Variants in PTPRM observed in about 807,000 individuals in gnomAD.
PTPRM encodes protein tyrosine phosphatase receptor type M.
In PTPRM, 47 loss-of-function variants were observed where a neutral mutation model predicts 186.7. The observed-to-expected ratio is 0.25, with a 90% CI of 0.20 to 0.32. The LOEUF is 0.32. Among genes scored for constraint, PTPRM ranks in the 10% least tolerant of loss-of-function variants. The pLI, the probability that PTPRM is intolerant of heterozygous loss-of-function variation, is 1.00. For synonymous variants in PTPRM, 668 were observed against 674.9 expected (o/e 0.99, Z 0.16); for missense variants, 1,494 against 1,865.0 (o/e 0.80, Z 3.66).
chr18:7,864,373 G>A (rs113159678), intron 2 of PTPRM, among the ~76,000 whole-genome samples: 57,899 of 152,044 alleles, frequency 0.38, 14,450 homozygotes, highest in African/African-American at 0.71. Context: ...TAATTTTTGT[G>A]TAAGGTGTAA....
intron 14 of PTPRM, among the ~76,000 whole-genome samples, chr18:8,165,935 A>C (rs895060844): frequency 1.2e-4 from 19 of 152,152 alleles, no homozygotes; most frequent in South Asian, 6.2e-4. Context: ...GGTCCCTCTC[A>C]GTTGAATGAA....
At chr18:7,724,673 A>C (rs1460172308) in intron 1 of PTPRM, among the ~76,000 whole-genome samples, 1 of 152,224 alleles carries the variant, frequency 6.6e-6, no homozygotes, top group Non-Finnish European at 1.5e-5. Context: ...GAGGACATAC[A>C]CTGGAATACA....
intron 4 of PTPRM, among the ~76,000 whole-genome samples, chr18:7,907,082 A>G (rs1191837518): frequency 6.6e-6 from 1 of 152,236 alleles, no homozygotes; most frequent in African/African-American, 2.4e-5. Flanking sequence ...TTCATCTTTT[A>G]AAAATTAATA....
intron 14 of PTPRM, among the ~76,000 whole-genome samples, chr18:8,169,353 A>C (rs2093365774): frequency 6.6e-6 from 1 of 152,154 alleles, no homozygotes; most frequent in African/African-American, 2.4e-5. Context: ...GCAAAAAAAA[A>C]AAAAATGCTT....
chr18:8,343,691 C>A (rs1263002972), intron 23 of PTPRM, among the ~76,000 whole-genome samples, 171 bp downstream of exon 23: 1 of 152,190 alleles, frequency 6.6e-6, no homozygotes, highest in Admixed American at 6.5e-5. Context: ...GTAAACATAG[C>A]CTGAATTGCT....
chr18:8,247,448 C>T (rs1378003269), intron 15 of PTPRM, among the ~76,000 whole-genome samples: 2 of 152,192 alleles, frequency 1.3e-5, no homozygotes, highest in Non-Finnish European at 2.9e-5. Flanking sequence ...GGAACATTGA[C>T]ATTGGGAATC....
At chr18:8,100,431 A>C (rs1252660242) in intron 11 of PTPRM, among the ~76,000 whole-genome samples, 2 of 151,838 alleles carry the variant, frequency 1.3e-5, no homozygotes, top group Non-Finnish European at 2.9e-5. Context: ...GTGAGCCGCC[A>C]CTCCCAGCCA....
intron 1 of PTPRM, among the ~76,000 whole-genome samples, chr18:7,655,051 C>T (rs2038815410): frequency 6.6e-6 from 1 of 152,106 alleles, no homozygotes; most frequent in Non-Finnish European, 1.5e-5. Flanking sequence ...GCAGTATGGC[C>T]ATTTTAATGA....
intron 2 of PTPRM, among the ~76,000 whole-genome samples, chr18:7,885,050 T>G (rs1015602487): frequency 6.6e-6 from 1 of 151,060 alleles, no homozygotes; most frequent in African/African-American, 2.4e-5. Context: ...ACAAAAACAT[T>G]GACAAAACTA....
intron 23 of PTPRM, among the ~76,000 whole-genome samples, chr18:8,370,572 T>A (rs1441471660): frequency 6.6e-6 from 1 of 152,200 alleles, no homozygotes; most frequent in Non-Finnish European, 1.5e-5. Flanking sequence ...TCCTTCACAG[T>A]TTATTTTTGC....
chr18:8,289,056 G>C (rs1305296311), intron 19 of PTPRM, among the ~76,000 whole-genome samples: 1 of 152,168 alleles, frequency 6.6e-6, no homozygotes, highest in Non-Finnish European at 1.5e-5. Context: ...TTCTGAGCCA[G>C]TTTTGAGGCC....
intron 11 of PTPRM, among the ~76,000 whole-genome samples, chr18:8,099,515 A>C (rs779168483): frequency 2.0e-5 from 3 of 152,162 alleles, no homozygotes; most frequent in Admixed American, 2.0e-4. Context: ...CTGGGTTTGC[A>C]TATTAGATCA....
At chr18:8,303,183 G>A (rs548063215) in intron 20 of PTPRM, among the ~76,000 whole-genome samples, 1 of 152,212 alleles carries the variant, frequency 6.6e-6, no homozygotes, top group East Asian at 1.9e-4. Flanking sequence ...GCACTCTCAT[G>A]GAGAGAAGGG....
intron 22 of PTPRM, among the ~76,000 whole-genome samples, chr18:8,341,882 C>T (rs1389900970): frequency 6.6e-6 from 1 of 152,198 alleles, no homozygotes; most frequent in Non-Finnish European, 1.5e-5. Flanking sequence ...TCACTGAAAT[C>T]TTCAGCCTCT....
chr18:7,665,285 G>A (rs1472603650), intron 1 of PTPRM, among the ~76,000 whole-genome samples: 2 of 152,164 alleles, frequency 1.3e-5, no homozygotes, highest in Non-Finnish European at 2.9e-5. Context: ...GTGCATGCAT[G>A]TTTACCTGCA....
At position 8,406,480 on chromosome 18, in the gene PTPRM, G is replaced by A. The variant is rs555160583; in HGVS notation, c.*318G>A. On this transcript the variant is annotated 3_prime_UTR_variant, in exon 33 of 33. Coordinates refer to ENST00000580170, the MANE Select transcript of PTPRM (RefSeq NM_001105244.2). The stretch of plus-strand genomic sequence containing the variant: ...CTTATGAAGGAATTTGTACCTTTGG[G>A]GTATTATTTTGTGGCCCGTGACCCT... 3.7e-6 allele frequency: 1 copy of A among 273,308 alleles called. No homozygotes were observed. The highest frequency in any genetic ancestry group is 2.2e-5 in the African/African-American group (1 of 45,108). The allele number at this position is 273,308 out of a possible 1,614,324, so 16.9% of individuals were successfully genotyped here. A position where few individuals can be genotyped will look rare whatever the true frequency, so the allele number is the denominator to read the frequency against.
At chr18:8,236,061 G>A (rs2094342617) in intron 14 of PTPRM, among the ~76,000 whole-genome samples, 1 of 152,138 alleles carries the variant, frequency 6.6e-6, no homozygotes, top group South Asian at 2.1e-4. Context: ...GGTGGATGAA[G>A]GATTCTTAAG....
intron 1 of PTPRM, among the ~76,000 whole-genome samples, chr18:7,690,921 T>C (rs1221577029): frequency 6.6e-6 from 1 of 152,170 alleles, no homozygotes; most frequent in African/African-American, 2.4e-5. Context: ...TATATGTATA[T>C]TGAGTTCTTT....
chr18:7,813,358 G>A (rs929867370), intron 2 of PTPRM, among the ~76,000 whole-genome samples: 3 of 152,170 alleles, frequency 2.0e-5, no homozygotes, highest in Non-Finnish European at 4.4e-5. Context: ...GCTTGGAACC[G>A]GTAGCCAGTA....
Sources: gnomAD v4.1 joint callset for allele counts (sites outside exome capture counted in the v4.1 genomes callset) on GRCh38, gnomAD v4.1.1 for gene constraint, MANE v1.5 for transcripts, NCBI Gene and HGNC (gene_info 2026-07-23, HGNC 2026-07-21) for gene names.